ZNF540: variants seen among roughly 807,000 people sequenced by gnomAD.
ZNF540 encodes zinc finger protein 540.
Under a neutral mutation model 11.8 loss-of-function variants are expected in ZNF540, and 3 were observed. The observed-to-expected ratio is 0.25, with a 90% confidence interval of 0.12 to 0.65. The LOEUF (loss-of-function observed/expected upper bound fraction) is 0.65, where lower values mean the gene tolerates loss of function less well. Among genes scored for constraint, ZNF540 ranks in the 30% least tolerant of loss-of-function variants. The pLI, the probability that ZNF540 is intolerant of heterozygous loss-of-function variation, is 0.83. For missense variants in ZNF540, 709 were observed against 793.1 expected (o/e 0.89, Z 1.27); for synonymous variants, 247 against 259.0 (o/e 0.95, Z 0.45).
At chr19:37,564,499 A>C (rs199841100) in intron 1 of ZNF540, 23 of 1,175,062 alleles carry the variant, frequency 2.0e-5, no homozygotes, top group Non-Finnish European at 2.4e-5. Flanking sequence ...AGGCCTTCTA[A>C]GAATGAGCAG....
At chr19:37,584,203 C>T in intron 1 of ZNF540, 1 of 1,546,234 alleles carries the variant, frequency 6.5e-7, no homozygotes, top group Non-Finnish European at 8.8e-7. Context: ...CACAAAACAA[C>T]AGGAAATTGG....
At position 37,613,002 on chromosome 19, in the gene ZNF540, G is replaced by C; in HGVS notation, c.1722G>C (p.Thr574=). ...TCACTGAACATCAGAAAATTCATAC[G>C]GGTGTAAAACCATACAAATGTAAAG... ...GQFTEHQKIH[T]GVKPYKCKEC... Residue 574 remains threonine, a synonymous_variant, in exon 5 of 5, where the codon ACG becomes ACC. Coordinates refer to ENST00000316433, the MANE Select transcript of ZNF540 (RefSeq NM_001172225.3). The C allele has an allele frequency of 6.2e-7, 1 of 1,613,900 alleles. No individual in the cohort carries two copies. Among genetic ancestry groups the C allele is most frequent in the Non-Finnish European group, 8.5e-7 (1 of 1,179,960 alleles).
chr19:37,608,003 T>C (rs898667268), intron 4 of ZNF540, among the ~76,000 whole-genome samples: 2 of 152,220 alleles, frequency 1.3e-5, no homozygotes, highest in African/African-American at 4.8e-5. Context: ...TTGGCCATTC[T>C]AACAGGTGTG....
At chr19:37,561,454 T>C (rs1375933236) in intron 1 of ZNF540, among the ~76,000 whole-genome samples, 1 of 152,202 alleles carries the variant, frequency 6.6e-6, no homozygotes, top group Non-Finnish European at 1.5e-5. Context: ...GCAAGTGTGT[T>C]CACAAGCCAA....
intron 1 of ZNF540, among the ~76,000 whole-genome samples, chr19:37,559,580 C>G (rs755446087): frequency 6.6e-6 from 1 of 152,144 alleles, no homozygotes; most frequent in South Asian, 2.1e-4. Flanking sequence ...ATATAATGTA[C>G]AGACCTTATT....
At chr19:37,553,296 C>T (rs2042628139) in intron 1 of ZNF540, among the ~76,000 whole-genome samples, 1 of 151,310 alleles carries the variant, frequency 6.6e-6, no homozygotes, top group Non-Finnish European at 1.5e-5. Context: ...CCACGCCTGC[C>T]TAATTTTTGT....
rs780547605 is a variant in ZNF540 at position 37,565,848 on chromosome 19, G to A, written c.-73+14183G>A. The A allele has an allele frequency of 4.3e-6, 7 of 1,613,752 alleles. No individual in the cohort carries two copies. In the African/African-American group the frequency reaches 5.3e-5, roughly 12 times the overall value. ...TTTCCACATTCCATACACTCATAAG[G>A]TTTCTCACCAGTCTGAATTCTCTGA... On this transcript the variant is annotated intron_variant, in intron 1 of 4. Coordinates refer to the ZNF540 transcript ENST00000592533.
intron 1 of ZNF540, among the ~76,000 whole-genome samples, chr19:37,571,778 A>G (rs2058242693): frequency 1.3e-5 from 2 of 152,198 alleles, no homozygotes; most frequent in Non-Finnish European, 2.9e-5. Flanking sequence ...TAACAGAAAC[A>G]TGATAAGTAT....
In ZNF540 at chr19:37,569,590, C is replaced by T. The variant is rs116644285; in HGVS notation, c.-73+17925C>T. On this transcript the variant is annotated intron_variant, in intron 1 of 4. Coordinates refer to the ZNF540 transcript ENST00000592533. This position sits in a 1 kb window ranked among gnomAD's most constrained non-coding sequence, Gnocchi z 4.4. ...ATTTTATCTCCTGTTTTATTAAAAA[C>T]AACAAGTGCTGCTTATAACCTACTA... 4.6e-3 allele frequency among the ~76,000 whole-genome samples: 694 copies of T among 152,242 alleles called. 4 individuals are homozygous for T. Among genetic ancestry groups the T allele is most frequent in the African/African-American group, 0.016 (672 of 41,552 alleles).
rs1423739906 is a variant in ZNF540 at position 37,612,536 on chromosome 19, C to T, written c.1256C>T (p.Ala419Val). The T allele has an allele frequency of 6.2e-7, 1 of 1,614,070 alleles. No individual in the cohort carries two copies. Among genetic ancestry groups the T allele is most frequent in the East Asian group, 2.2e-5 (1 of 44,862 alleles). Residue 419 changes from alanine to valine, a missense_variant, in exon 5 of 5, where the codon GCT becomes GTT. Ala to Val is a moderately conservative substitution (Grantham distance 64). Coordinates refer to ENST00000316433, the MANE Select transcript of ZNF540 (RefSeq NM_001172225.3). ...KPFACKVCEKAFSYSGDLRVH... is the reference protein window; with the variant it reads ...KPFACKVCEKVFSYSGDLRVH... ...TTTGCATGTAAGGTGTGTGAGAAGG[C>T]TTTTAGTTATAGTGGTGACCTCAGA...
chr19:37,605,045 AG>A (rs975907059), intron 4 of ZNF540, among the ~76,000 whole-genome samples: 2 of 152,196 alleles, frequency 1.3e-5, no homozygotes, highest in Non-Finnish European at 2.9e-5. Context: ...AGTTGTTTCT[AG>A]TCTTTCGCAG....
At chr19:37,564,393 T>C (rs944745362) in intron 1 of ZNF540, 29 of 402,164 alleles carry the variant, frequency 7.2e-5, no homozygotes, top group Admixed American at 4.1e-5. Flanking sequence ...TGATGCTTAA[T>C]AAAGGATATA....
At chr19:37,607,221 T>C (rs571736610) in intron 4 of ZNF540, among the ~76,000 whole-genome samples, 1 of 152,260 alleles carries the variant, frequency 6.6e-6, no homozygotes, top group East Asian at 1.9e-4. Context: ...GTTTCCTGTA[T>C]ACTCTCTGTC....
chr19:37,580,665 T>G (rs1260473737), intron 1 of ZNF540, among the ~76,000 whole-genome samples: 1 of 152,034 alleles, frequency 6.6e-6, no homozygotes, highest in Non-Finnish European at 1.5e-5. Context: ...GTGACTGAGC[T>G]CTCGCTCTAC....
intron 1 of ZNF540, chr19:37,564,114 T>TATC (rs1439431000): frequency 6.6e-5 from 10 of 152,430 alleles, no homozygotes; most frequent in Admixed American, 5.2e-4. Flanking sequence ...TAAAATAAAG[T>TATC]ATCTGTTGTT....
chr19:37,561,662 C>T (rs992136128), intron 1 of ZNF540, among the ~76,000 whole-genome samples: 8 of 152,144 alleles, frequency 5.3e-5, no homozygotes, highest in Admixed American at 1.3e-4. Flanking sequence ...ACCCGCTCTA[C>T]GTATTTTGGG....
intron 1 of ZNF540, among the ~76,000 whole-genome samples, chr19:37,582,845 T>C (rs1273155891): frequency 6.6e-6 from 1 of 152,218 alleles, no homozygotes; most frequent in Non-Finnish European, 1.5e-5. Context: ...ACTAGTCCTC[T>C]CATTAGTCTT....
intron 1 of ZNF540, chr19:37,586,606 C>T: frequency 6.3e-7 from 1 of 1,593,364 alleles, no homozygotes; most frequent in Non-Finnish European, 8.6e-7. Flanking sequence ...TGGGATAAAT[C>T]TGGTGTTCAC....
chr19:37,597,861 A>T (rs2044008505), intron 1 of ZNF540, among the ~76,000 whole-genome samples: 1 of 152,276 alleles, frequency 6.6e-6, no homozygotes, highest in Admixed American at 6.5e-5. Flanking sequence ...ACACATGAGC[A>T]TAGCTGTGTT....
Sources: gnomAD v4.1 joint callset for allele counts (sites outside exome capture counted in the v4.1 genomes callset) on GRCh38, gnomAD v4.1.1 for gene constraint, Gnocchi (gnomAD v3.1) non-coding constraint, MANE v1.5 for transcripts, NCBI Gene and HGNC (gene_info 2026-07-23, HGNC 2026-07-21) for gene names.